The following TMEM91 variants were observed in gnomAD, a reference collection of about 807,000 sequenced individuals.
TMEM91 encodes dispanin subfamily C member 3.
TMEM91 carries 6 observed loss-of-function variants against 13.3 expected under a neutral mutation model. The ratio of observed to expected loss-of-function variants is 0.45; its 90% CI spans 0.25 to 0.89. The LOEUF is 0.89. Among genes scored for constraint, TMEM91 ranks in the 40% least tolerant of loss-of-function variants. The pLI is 0.19. For missense variants in TMEM91, 193 were observed against 228.7 expected, an observed-to-expected ratio of 0.84 and a Z score of 1.01; for synonymous variants, 87 against 101.7, an observed-to-expected ratio of 0.86 and a Z score of 0.87.
At chr19:41,372,421 ATCC>A (rs946415479), upstream of TMEM91, among the ~76,000 whole-genome samples, 12 of 151,820 alleles carry the variant, frequency 7.9e-5, no homozygotes, top group African/African-American at 1.5e-4. Flanking sequence ...GGCTCAGGCA[ATCC>A]TCCTGCTTCA....
chr19:41,382,747 C>T (rs1316018546), intron 2 of TMEM91, 25 bp from the exon 3 acceptor site: 2 of 1,606,770 alleles, frequency 1.2e-6, no homozygotes, highest in East Asian at 2.2e-5. Flanking sequence ...TGGAGATGCC[C>T]ACCTGGGCAC....
rs1250442403 is a variant in TMEM91 at position 41,382,911 on chromosome 19, TA to T, written c.351del (p.Ala118ProfsTer43). On this transcript the variant is annotated frameshift_variant, in exon 3 of 4. Transcript: ENST00000392002. LOFTEE classifies it high-confidence loss of function. ...CCCGTTGGCATCGCTGCCTTCTGTC[TA>T]GCCCAGAAGGTCAGTCTGTGTGTGG... ...FWPVGIAAFC[L>X]AQKTNKAWAK... is the part of the protein sequence containing the mutation. 6.2e-7 allele frequency: 1 copy of T among 1,614,116 alleles called. No homozygotes were observed. The highest frequency in any genetic ancestry group is 1.1e-5 in the South Asian group (1 of 91,080).
At position 41,381,143 on chromosome 19, in the gene TMEM91, G is replaced by T. The variant is rs75164825; in HGVS notation, c.211-1629G>T. ...TCTAGAGTTTTCAGCAGGCAGGTTT[G>T]CCCTAATCATTTAGGCCACTGGAGC... On this transcript the variant is annotated intron_variant, in intron 2 of 3. Transcript: ENST00000392002. Among the ~76,000 whole-genome samples, 6 of 147,362 alleles carry T rather than the reference G, an allele frequency of 4.1e-5. No homozygotes were observed. The East Asian group carries it at 1.2e-3, about 29-fold the overall frequency.
At chr19:41,366,632 T>C (rs958002303) in intron 1 of TMEM91, among the ~76,000 whole-genome samples, 13 of 152,036 alleles carry the variant, frequency 8.6e-5, no homozygotes, top group Non-Finnish European at 1.6e-4. Context: ...CTCATTTTTG[T>C]ATTTTTAGTA....
intron 1 of TMEM91, among the ~76,000 whole-genome samples, chr19:41,364,497 A>G (rs1380548112): frequency 6.6e-6 from 1 of 152,030 alleles, no homozygotes; most frequent in Admixed American, 6.6e-5. Context: ...CCAAGGGGGA[A>G]TTCCTTCCAG....
upstream of TMEM91, chr19:41,374,372 G>A (rs961829056): frequency 1.3e-5 from 2 of 152,358 alleles, no homozygotes; most frequent in East Asian, 3.9e-4. Context: ...TAATCAGTCC[G>A]ATGGAGATGG....
chr19:41,379,626 A>AGAAG (rs896250322), intron 2 of TMEM91, among the ~76,000 whole-genome samples: 1 of 151,652 alleles, frequency 6.6e-6, no homozygotes, highest in East Asian at 1.9e-4. Context: ...AAAGAGAGAA[A>AGAAG]GAAGGAAGGA....
chr19:41,372,353 A>C (rs922818192), upstream of TMEM91, among the ~76,000 whole-genome samples: 3 of 151,742 alleles, frequency 2.0e-5, no homozygotes, highest in African/African-American at 7.3e-5. Flanking sequence ...TTAAAAAAAA[A>C]AAGTTTTGGG....
chr19:41,370,992 C>T (rs148179778), intron 1 of TMEM91, among the ~76,000 whole-genome samples: 80 of 151,430 alleles, frequency 5.3e-4, no homozygotes, highest in East Asian at 3.1e-3. Context: ...CGTGAGCTAC[C>T]GTGTCTGGCC....
chr19:41,375,102 C>T (rs1489760944), upstream of TMEM91, among the ~76,000 whole-genome samples: 2 of 151,984 alleles, frequency 1.3e-5, no homozygotes, highest in Non-Finnish European at 2.9e-5. Context: ...GACCCCACTC[C>T]TCAGCCTTCT....
intron 1 of TMEM91, among the ~76,000 whole-genome samples, chr19:41,366,052 C>CT (rs11375696): frequency 0.58 from 61,489 of 105,832 alleles, 18,986 homozygotes; most frequent in Non-Finnish European, 0.63. Flanking sequence ...TATTTATTTA[C>CT]TTTTTTTTTT....
intron 2 of TMEM91, among the ~76,000 whole-genome samples, chr19:41,381,329 C>G (rs1298805553): frequency 2.0e-5 from 3 of 150,530 alleles, no homozygotes; most frequent in Non-Finnish European, 4.4e-5. Context: ...GTAGCTGAGA[C>G]TACAGGCACA....
intron 1 of TMEM91, 88 bp from the exon 2 acceptor site, chr19:41,378,191 GTC>G (rs2038772336): frequency 1.0e-6 from 1 of 969,760 alleles, no homozygotes; most frequent in East Asian, 2.4e-5. Flanking sequence ...GCACTAACTA[GTC>G]TCTGCCTGAG....
upstream of TMEM91, chr19:41,374,261 A>G (rs2123174122): frequency 6.6e-6 from 1 of 152,324 alleles, no homozygotes; most frequent in South Asian, 2.1e-4. Flanking sequence ...CACAAAGGCC[A>G]GGGAATCCTC....
chr19:41,376,896 C>T (rs2038732298), intron 1 of TMEM91, 42 bp downstream of exon 1: 1 of 152,378 alleles, frequency 6.6e-6, no homozygotes, highest in African/African-American at 2.4e-5. Flanking sequence ...CAGTCCCTTC[C>T]CTGGGTCCTG....
At chr19:41,380,947 G>A (rs973527443) in intron 2 of TMEM91, among the ~76,000 whole-genome samples, 6 of 147,538 alleles carry the variant, frequency 4.1e-5, no homozygotes, top group African/African-American at 1.3e-4. Flanking sequence ...TTAGCTGGCC[G>A]TGGTGGTGGG....
In TMEM91 at chr19:41,379,512, AAGAC is replaced by A. The variant is rs1488257535; in HGVS notation, c.210+1001_210+1004del. The stretch of plus-strand genomic sequence containing the variant: ...CTTACTCCAGCCTGGACAACAGAGC[AAGAC>A]AGACAGAAAGAAAGAAAAAGAGAGG... On this transcript the variant is annotated intron_variant, in intron 2 of 3. Transcript: ENST00000392002. 1.3e-4 allele frequency among the ~76,000 whole-genome samples: 20 copies of A among 150,646 alleles called. No homozygotes were observed. The Admixed American group carries it at 1.3e-3, about 10-fold the overall frequency.
intron 2 of TMEM91, among the ~76,000 whole-genome samples, chr19:41,381,620 T>C (rs2123204409): frequency 6.6e-6 from 1 of 152,274 alleles, no homozygotes; most frequent in East Asian, 1.9e-4. Context: ...TGCCTTGGCC[T>C]CCCAAAGTGC....
chr19:41,365,355 T>G (rs1390230220), intron 1 of TMEM91, among the ~76,000 whole-genome samples: 1 of 152,160 alleles, frequency 6.6e-6, no homozygotes, highest in African/African-American at 2.4e-5. Context: ...TTCCATTGAA[T>G]TGTTTAATAT....
Sources: gnomAD v4.1 joint callset for allele counts (sites outside exome capture counted in the v4.1 genomes callset) on GRCh38, gnomAD v4.1.1 for gene constraint, MANE v1.5 for transcripts, NCBI Gene and HGNC (gene_info 2026-07-23, HGNC 2026-07-21) for gene names.